SDK1: variants seen among roughly 807,000 people sequenced by gnomAD.
SDK1 encodes the protein protein sidekick-1.
Under a neutral mutation model 245.5 loss-of-function variants are expected in SDK1, and 157 were observed. The ratio of observed to expected loss-of-function variants is 0.64; its 90% CI spans 0.56 to 0.73. SDK1 has a LOEUF of 0.73. Among genes scored for constraint, SDK1 ranks in the 30% least tolerant of loss-of-function variants. The pLI, the probability that SDK1 is intolerant of heterozygous loss-of-function variation, is 0.00. For synonymous variants in SDK1, 1,647 were observed against 1,278.5 expected, an observed-to-expected ratio of 1.29 and a Z score of -6.15; for missense variants, 3,583 against 3,002.3, an observed-to-expected ratio of 1.19 and a Z score of -4.52.
intron 7 of SDK1, chr7:3,958,022 C>T (rs530096431): frequency 6.4e-6 from 3 of 470,668 alleles, no homozygotes; most frequent in African/African-American, 4.0e-5. Flanking sequence ...GTTTTCATTT[C>T]TCTTTTTCAT....
chr7:4,256,291 T>C (rs2128242115), intron 44 of SDK1, among the ~76,000 whole-genome samples: 1 of 152,234 alleles, frequency 6.6e-6, no homozygotes, highest in South Asian at 2.1e-4. Flanking sequence ...GGGGAGAGGG[T>C]CTGCTGACCT....
intron 44 of SDK1, among the ~76,000 whole-genome samples, chr7:4,256,332 C>G (rs932797173): frequency 6.6e-6 from 1 of 152,236 alleles, no homozygotes; most frequent in African/African-American, 2.4e-5. Flanking sequence ...AATATCCTGG[C>G]CTTCATGGCT....
At chr7:3,339,276 C>A (rs1252038783) in intron 1 of SDK1, among the ~76,000 whole-genome samples, 1 of 152,066 alleles carries the variant, frequency 6.6e-6, no homozygotes, top group African/African-American at 2.4e-5. Context: ...CCTCAAGATA[C>A]ATGAAGCAAA....
chr7:3,523,421 T>C (rs570337734), intron 1 of SDK1, among the ~76,000 whole-genome samples: 229 of 152,216 alleles, frequency 1.5e-3, no homozygotes, highest in African/African-American at 5.3e-3. Context: ...AGCGAGAGCA[T>C]GCAAACATTA....
At chr7:3,381,308 G>T (rs4418248) in intron 1 of SDK1, among the ~76,000 whole-genome samples, 2 of 151,966 alleles carry the variant, frequency 1.3e-5, no homozygotes, top group East Asian at 3.9e-4. Context: ...TACATTGCCC[G>T]TATGCTGGCG....
chr7:3,421,516 A>G (rs1301375651), intron 1 of SDK1, among the ~76,000 whole-genome samples: 1 of 152,202 alleles, frequency 6.6e-6, no homozygotes, highest in Non-Finnish European at 1.5e-5. Context: ...TGACTTAAAT[A>G]TCTAAGTTTT....
At chr7:4,008,164 T>C (rs1043095624) in intron 14 of SDK1, among the ~76,000 whole-genome samples, 11 of 152,240 alleles carry the variant, frequency 7.2e-5, no homozygotes, top group East Asian at 5.8e-4. Flanking sequence ...TTGTGACTTA[T>C]TTCATGTAGT....
intron 19 of SDK1, among the ~76,000 whole-genome samples, chr7:4,065,065 T>C (rs1178345909): frequency 1.3e-5 from 2 of 152,116 alleles, no homozygotes; most frequent in African/African-American, 4.8e-5. Flanking sequence ...GGATTTCGAA[T>C]GTTCACAACA....
intron 5 of SDK1, among the ~76,000 whole-genome samples, chr7:3,872,096 C>A (rs1355651860): frequency 6.6e-6 from 1 of 152,126 alleles, no homozygotes; most frequent in Non-Finnish European, 1.5e-5. Context: ...TGGTGAATTG[C>A]ATAGATTGGT....
In SDK1 at chr7:3,951,587, T is replaced by G. The variant is rs1451424530; in HGVS notation, c.960-143T>G. 3.7e-5 allele frequency: 24 copies of G among 655,620 alleles called. No homozygotes were observed. In the East Asian group the frequency reaches 5.4e-4, roughly 15 times the overall value. 40.6% of individuals were successfully genotyped at this position (655,620 alleles called of 1,614,324 possible). A position where few individuals can be genotyped will look rare whatever the true frequency, so the allele number is the denominator to read the frequency against. ...GGAGGGAGTAGAGTTACATCTAGAT[T>G]GAGTTTTCAGTGTCCGTTGTTCAAC... On this transcript the variant is annotated intron_variant, in intron 6 of 44. Transcript: ENST00000404826.
At chr7:3,896,701 C>T (rs766982989) in intron 5 of SDK1, among the ~76,000 whole-genome samples, 2 of 152,052 alleles carry the variant, frequency 1.3e-5, no homozygotes, top group African/African-American at 2.4e-5. Flanking sequence ...TGTCAGAAAT[C>T]GCTGCTTCAC....
intron 38 of SDK1, among the ~76,000 whole-genome samples, chr7:4,215,295 G>A (rs899391106): frequency 6.6e-6 from 1 of 152,250 alleles, no homozygotes; most frequent in Non-Finnish European, 1.5e-5. Flanking sequence ...GGTGGAGGTG[G>A]CAGAGGCGGA....
intron 17 of SDK1, among the ~76,000 whole-genome samples, chr7:4,024,774 T>G (rs1258501517): frequency 6.6e-6 from 1 of 152,272 alleles, no homozygotes; most frequent in Non-Finnish European, 1.5e-5. Flanking sequence ...TTAAGTCTGC[T>G]GGGCTCCCAA....
At position 4,194,926 on chromosome 7, in the gene SDK1, T is replaced by C. The variant is rs115729854; in HGVS notation, c.5099-10953T>C. ...TTACACCTAAGAAAATTATAATAATTGCTTAGTGTAATCGGTTAGCTAGTC... is the reference window on the plus strand; with the variant it reads ...TTACACCTAAGAAAATTATAATAATCGCTTAGTGTAATCGGTTAGCTAGTC... On this transcript the variant is annotated intron_variant, in intron 35 of 44. Transcript: ENST00000404826. Among the ~76,000 whole-genome samples, 1,474 of 152,334 alleles carry C rather than the reference T, an allele frequency of 9.7e-3. 24 individuals carry two copies. Among genetic ancestry groups the C allele is most frequent in the African/African-American group, 0.034 (1,393 of 41,574 alleles).
intron 1 of SDK1, among the ~76,000 whole-genome samples, chr7:3,523,796 C>G (rs1431970122): frequency 6.6e-6 from 1 of 152,174 alleles, no homozygotes; most frequent in Admixed American, 6.5e-5. Flanking sequence ...TTTAAATATT[C>G]TACCAGCCAA....
rs769899503 is a variant in SDK1 at position 3,608,384 on chromosome 7, C to G, written c.299-10696C>G. ...ACCCCATTTTTACTTGAAGTAGTGA[C>G]TGACAGAAAAACTATGGTAATTTAG... On this transcript the variant is annotated intron_variant, in intron 1 of 44. Coordinates refer to ENST00000404826, the MANE Select transcript of SDK1 (RefSeq NM_152744.4). Among the ~76,000 whole-genome samples, 5 of 152,100 alleles carry G rather than the reference C, an allele frequency of 3.3e-5. No homozygotes were observed. In the Middle Eastern group the frequency reaches 9.5e-3, roughly 289 times the overall value.
intron 1 of SDK1, among the ~76,000 whole-genome samples, chr7:3,479,707 C>A (rs1025796773): frequency 2.0e-5 from 3 of 151,566 alleles, no homozygotes; most frequent in Non-Finnish European, 2.9e-5. Flanking sequence ...ACTAAAAATA[C>A]AAAATTTAGC....
rs1442587245 is a variant in SDK1 at position 4,074,914 on chromosome 7, ATAT to A, written c.3011-2082_3011-2080del. 1.3e-4 allele frequency among the ~76,000 whole-genome samples: 10 copies of A among 77,072 alleles called. No individual in the cohort carries two copies. In the South Asian group the frequency reaches 3.0e-3, roughly 23 times the overall value. 50.6% of individuals were successfully genotyped at this position (77,072 alleles called of 152,430 possible). On this transcript the variant is annotated intron_variant, in intron 20 of 44. Coordinates refer to ENST00000404826, the MANE Select transcript of SDK1 (RefSeq NM_152744.4). The stretch of plus-strand genomic sequence containing the variant: ...TATATATATATATATATATATATAT[ATAT>A]TTTTTTTTTTTTTTAATAAAGTTAG...
chr7:3,705,656 G>A (rs111297248), intron 4 of SDK1, among the ~76,000 whole-genome samples: 2,229 of 152,046 alleles, frequency 0.015, 57 homozygotes, highest in African/African-American at 0.049. Flanking sequence ...GTCCTTTAGA[G>A]GAGTCTTTAG....
Sources: gnomAD v4.1 joint callset for allele counts (sites outside exome capture counted in the v4.1 genomes callset) on GRCh38, gnomAD v4.1.1 for gene constraint, MANE v1.5 for transcripts, NCBI Gene and HGNC (gene_info 2026-07-23, HGNC 2026-07-21) for gene names.